RAP1GAP2: variants seen among roughly 807,000 people sequenced by gnomAD.
RAP1GAP2 encodes the protein rap1 GTPase-activating protein 2.
A neutral mutation model predicts 95.0 loss-of-function variants in RAP1GAP2; 27 were observed. The ratio of observed to expected loss-of-function variants is 0.28; its 90% CI spans 0.21 to 0.39. RAP1GAP2 has a LOEUF of 0.39. Ranked by LOEUF, RAP1GAP2 falls within the 10% of genes least tolerant of loss-of-function variation. The probability of loss-of-function intolerance (pLI) is 1.00; values close to 1 mark genes in which losing one functional copy is unlikely to be tolerated. For missense variants in RAP1GAP2, 771 were observed against 970.0 expected, an observed-to-expected ratio of 0.79 and a Z score of 2.72; for synonymous variants, 373 against 380.9, an observed-to-expected ratio of 0.98 and a Z score of 0.24.
intron 3 of RAP1GAP2, among the ~76,000 whole-genome samples, chr17:2,918,432 C>CAAAAA (rs533808717): frequency 2.1e-4 from 14 of 65,304 alleles, no homozygotes; most frequent in African/African-American, 2.7e-4. Flanking sequence ...GACTCCATCT[C>CAAAAA]AAAAAAAAAA....
At chr17:2,928,427 GC>G (rs2043035647) in intron 3 of RAP1GAP2, among the ~76,000 whole-genome samples, 1 of 152,134 alleles carries the variant, frequency 6.6e-6, no homozygotes, top group African/African-American at 2.4e-5. Flanking sequence ...AAAGTGGACT[GC>G]CCATGGTTGA....
At chr17:2,847,246 A>G (rs551734749) in intron 2 of RAP1GAP2, among the ~76,000 whole-genome samples, 1 of 152,252 alleles carries the variant, frequency 6.6e-6, no homozygotes, top group South Asian at 2.1e-4. Flanking sequence ...TGACCTCGTG[A>G]TCCACCCGCC....
rs2069132311 is a variant in RAP1GAP2 at position 2,797,606 on chromosome 17, T to G, written c.44+1035T>G. The stretch of plus-strand genomic sequence containing the variant: ...ATTTTTCGCTTCCGTGTGTGTGGCT[T>G]ATTTCCCTCTTCCTCCTCTTCAAAA... On this transcript the variant is annotated intron_variant, in intron 1 of 24. Transcript: ENST00000254695. This position sits in a 1 kb window ranked among gnomAD's most constrained non-coding sequence, Gnocchi z 5.6. 3.7e-6 allele frequency: 3 copies of G among 803,626 alleles called. No individual in the cohort carries two copies. In the South Asian group the frequency reaches 1.7e-4, roughly 46 times the overall value. The allele number at this position is 803,626 out of a possible 1,614,324, so 49.8% of individuals were successfully genotyped here.
intron 3 of RAP1GAP2, among the ~76,000 whole-genome samples, chr17:2,943,698 C>A (rs1299460732): frequency 6.6e-6 from 1 of 151,872 alleles, no homozygotes; most frequent in African/African-American, 2.4e-5. Flanking sequence ...CAAACAAAAA[C>A]CAAACAAAAA....
At chr17:2,776,960 G>C (rs929399769), upstream of RAP1GAP2, 1 of 152,972 alleles carries the variant, frequency 6.5e-6, no homozygotes, top group Non-Finnish European at 1.5e-5. Flanking sequence ...CAGTGGCCCC[G>C]GGGCTGGGAT....
At chr17:2,852,248 G>A (rs2071884525) in intron 2 of RAP1GAP2, among the ~76,000 whole-genome samples, 1 of 152,014 alleles carries the variant, frequency 6.6e-6, no homozygotes, top group African/African-American at 2.4e-5. Context: ...TCTCAGGAGT[G>A]GGGCCCGGGT....
chr17:2,995,195 C>A, intron 12 of RAP1GAP2, 142 bp from the exon 13 acceptor site: 1 of 1,012,450 alleles, frequency 9.9e-7, no homozygotes, highest in Non-Finnish European at 1.5e-6. Flanking sequence ...GCTTTTCCCA[C>A]ATCACAGCCT....
Position 3,014,545 on chromosome 17 carries a change from A to ATT in RAP1GAP2, c.1495-3493_1495-3492dup, listed in dbSNP as rs10542901. On this transcript the variant is annotated intron_variant, in intron 17 of 24. Transcript: ENST00000254695. Reference sequence around the variant, plus strand: ...GCACCAAGAGAATGTAAAGATGCTGATTTTTTTTTTTTTTTTTTTTTTTTG... The same window carrying ATT: ...GCACCAAGAGAATGTAAAGATGCTGATTTTTTTTTTTTTTTTTTTTTTTTTTG... 1.5e-3 allele frequency among the ~76,000 whole-genome samples: 158 copies of ATT among 105,072 alleles called. 3 individuals carry two copies. Among genetic ancestry groups the ATT allele is most frequent in the South Asian group, 0.015 (46 of 3,092 alleles). The allele number at this position is 105,072 out of a possible 152,430, so 68.9% of individuals were successfully genotyped here.
chr17:2,811,295 C>G (rs994004873), intron 2 of RAP1GAP2, among the ~76,000 whole-genome samples: 1 of 152,202 alleles, frequency 6.6e-6, no homozygotes. Context: ...CCTCACCCTC[C>G]TTATTTACAG....
chr17:2,841,506 C>G (rs1339426523), intron 2 of RAP1GAP2, among the ~76,000 whole-genome samples: 3 of 151,850 alleles, frequency 2.0e-5, no homozygotes, highest in Admixed American at 6.6e-5. Context: ...TGGGGTTTCA[C>G]CTTGTTAGCC....
chr17:2,826,826 C>T (rs1049993586), intron 2 of RAP1GAP2, among the ~76,000 whole-genome samples: 1 of 151,922 alleles, frequency 6.6e-6, no homozygotes, highest in Non-Finnish European at 1.5e-5. Context: ...GCCAACATGG[C>T]GAAACCCCGT....
intron 17 of RAP1GAP2, among the ~76,000 whole-genome samples, chr17:3,014,110 C>A (rs2046668513): frequency 6.7e-6 from 1 of 149,536 alleles, no homozygotes; most frequent in South Asian, 2.1e-4. Context: ...ATGGTCTAGC[C>A]TAGGACACAC....
At position 2,825,676 on chromosome 17, in the gene RAP1GAP2, A is replaced by G. The variant is rs2070517247; in HGVS notation, c.80+25126A>G. On this transcript the variant is annotated intron_variant, in intron 2 of 24. Transcript: ENST00000254695. This position sits in a 1 kb window ranked among gnomAD's most constrained non-coding sequence, Gnocchi z 4.1. ...GGATGTTTGAGGATGAAATGAGCTA[A>G]CATAGGAAAAGCACTTAGCATGGTG... Among the ~76,000 whole-genome samples, 1 of 152,090 alleles carries G rather than the reference A, an allele frequency of 6.6e-6. No individual in the cohort carries two copies. The highest frequency in any genetic ancestry group is 2.1e-4 in the South Asian group (1 of 4,782).
rs1266313935 is a variant in RAP1GAP2 at position 3,013,638 on chromosome 17, T to C, written c.1495-4423T>C. ...TTTTCTTTTCTTTTCTTTTCTTTTT[T>C]TTTTTTTTTTTTTTTGGTGGGAGCC... On this transcript the variant is annotated intron_variant, in intron 17 of 24. Transcript: ENST00000254695. Among the ~76,000 whole-genome samples the C allele has an allele frequency of 8.6e-5, 12 of 139,352 alleles. No individual in the cohort carries two copies. The East Asian group carries it at 1.0e-3, about 12-fold the overall frequency. 91.4% of individuals were successfully genotyped at this position (139,352 alleles called of 152,430 possible). A position where few individuals can be genotyped will look rare whatever the true frequency, so the allele number is the denominator to read the frequency against.
At chr17:2,973,882 A>G (rs781438849) in intron 8 of RAP1GAP2, among the ~76,000 whole-genome samples, 1 of 152,232 alleles carries the variant, frequency 6.6e-6, no homozygotes, top group Non-Finnish European at 1.5e-5. Context: ...GCTGAAGTGA[A>G]ACATCAGAAA....
intron 2 of RAP1GAP2, among the ~76,000 whole-genome samples, chr17:2,816,662 C>G (rs1234682582): frequency 8.0e-6 from 1 of 125,262 alleles, no homozygotes; most frequent in Non-Finnish European, 1.9e-5. Context: ...TATTATAAAA[C>G]TTACCATTTA....
Position 3,034,503 on chromosome 17 carries a change from C to G in RAP1GAP2, c.*1142C>G, listed in dbSNP as rs1375599845. 1 of 162,258 alleles carries G rather than the reference C, an allele frequency of 6.2e-6. No individual in the cohort carries two copies. The highest frequency in any genetic ancestry group is 1.4e-5 in the Non-Finnish European group (1 of 72,082). 10.1% of individuals were successfully genotyped at this position (162,258 alleles called of 1,614,324 possible). On this transcript the variant is annotated 3_prime_UTR_variant, in exon 25 of 25. Coordinates refer to ENST00000254695, the MANE Select transcript of RAP1GAP2 (RefSeq NM_015085.5). The surrounding 1 kb of genome is among the most constrained non-coding windows in gnomAD (Gnocchi z 5.1). Reference sequence around the variant, plus strand: ...CCCCTGGAGTCTTGGGGGGCCCAGCCTGGCCCTGGGGCCTTTTCCAGCTAC... The same window carrying G: ...CCCCTGGAGTCTTGGGGGGCCCAGCGTGGCCCTGGGGCCTTTTCCAGCTAC...
chr17:2,937,638 G>A (rs973374948), intron 3 of RAP1GAP2, among the ~76,000 whole-genome samples: 1 of 152,318 alleles, frequency 6.6e-6, no homozygotes, highest in East Asian at 1.9e-4. Context: ...AGGGGACAGC[G>A]AGGCTCATGA....
rs139610657 is a variant in RAP1GAP2 at position 2,884,466 on chromosome 17, C to T, written c.81-20818C>T. Among the ~76,000 whole-genome samples, 500 of 151,054 alleles carry T rather than the reference C, an allele frequency of 3.3e-3. 5 individuals are homozygous for T. Among genetic ancestry groups the T allele is most frequent in the African/African-American group, 0.011 (461 of 41,148 alleles). ...CGGCTCACTGTAACCTTCGCCTCCC[C>T]GGTTCAAGCGATTCTCCTGCCTCAG... On this transcript the variant is annotated intron_variant, in intron 2 of 24. Coordinates refer to ENST00000254695, the MANE Select transcript of RAP1GAP2 (RefSeq NM_015085.5).
Sources: gnomAD v4.1 joint callset for allele counts (sites outside exome capture counted in the v4.1 genomes callset) on GRCh38, gnomAD v4.1.1 for gene constraint, Gnocchi (gnomAD v3.1) non-coding constraint, MANE v1.5 for transcripts, NCBI Gene and HGNC (gene_info 2026-07-23, HGNC 2026-07-21) for gene names.